MEIS1: variants seen among roughly 807,000 people sequenced by gnomAD.
MEIS1 encodes the protein Meis homeobox 1.
MEIS1 carries 5 observed loss-of-function variants against 50.8 expected under a neutral mutation model. The ratio of observed to expected loss-of-function variants is 0.10; its 90% CI spans 0.05 to 0.21. MEIS1 has a LOEUF of 0.21. Ranked by LOEUF, MEIS1 falls within the 10% of genes least tolerant of loss-of-function variation. MEIS1 has a pLI of 1.00. For synonymous variants in MEIS1, 176 were observed against 179.3 expected, an observed-to-expected ratio of 0.98 and a Z score of 0.15; for missense variants, 318 against 517.3, an observed-to-expected ratio of 0.61 and a Z score of 3.74.
chr2:66,567,691 G>A lies in MEIS1; in HGVS notation c.1024+180G>A, dbSNP rs181709542. ...AATCAATTTAACATCATTATAAAAC[G>A]TTTGGAGAAGGTGGAAAAAAAAAGC... On this transcript the variant is annotated intron_variant, in intron 10 of 12. Coordinates refer to ENST00000272369, the MANE Select transcript of MEIS1 (RefSeq NM_002398.3). 6.2e-5 allele frequency: 43 copies of A among 690,106 alleles called. 1 individual carries two copies. Among genetic ancestry groups the A allele is most frequent in the Admixed American group, 4.8e-4 (22 of 45,950 alleles). 42.7% of individuals were successfully genotyped at this position (690,106 alleles called of 1,614,324 possible). A position where few individuals can be genotyped will look rare whatever the true frequency, so the allele number is the denominator to read the frequency against.
chr2:66,440,076 CA>C, intron 3 of MEIS1, 92 bp downstream of exon 3: 2 of 1,084,378 alleles, frequency 1.8e-6, no homozygotes, highest in Non-Finnish European at 2.6e-6. Flanking sequence ...CGAACACACA[CA>C]CACACACACA....
chr2:66,533,093 G>A lies in MEIS1; in HGVS notation c.889-14850G>A, dbSNP rs576060627. Among the ~76,000 whole-genome samples, 8 of 152,270 alleles carry A rather than the reference G, an allele frequency of 5.3e-5. 1 individual carries two copies. Among genetic ancestry groups the A allele is most frequent in the South Asian group, 2.1e-4 (1 of 4,826 alleles). On this transcript the variant is annotated intron_variant, in intron 8 of 12. Transcript: ENST00000272369. The stretch of plus-strand genomic sequence containing the variant: ...CAGCATTTGGTTGGCATGCAAGGGC[G>A]AGTTCTCACTCTTGATCTATCCTAG...
intron 9 of MEIS1, among the ~76,000 whole-genome samples, chr2:66,565,569 T>C (rs1675327291): frequency 1.3e-5 from 2 of 152,234 alleles, no homozygotes; most frequent in Non-Finnish European, 2.9e-5. Context: ...TTTAGCAAAT[T>C]ATTAACATCT....
At chr2:66,560,972 A>G (rs1675199374) in intron 9 of MEIS1, among the ~76,000 whole-genome samples, 1 of 152,226 alleles carries the variant, frequency 6.6e-6, no homozygotes, top group Non-Finnish European at 1.5e-5. Flanking sequence ...AGAATGAATC[A>G]ACTTTCTTGA....
chr2:66,544,655 G>A (rs577056556), intron 8 of MEIS1, among the ~76,000 whole-genome samples: 6 of 151,836 alleles, frequency 4.0e-5, no homozygotes, highest in Non-Finnish European at 8.8e-5. Context: ...TATATATCCC[G>A]AACAACTGAA....
At chr2:66,471,120 C>T (rs1050228724) in intron 7 of MEIS1, among the ~76,000 whole-genome samples, 1 of 152,204 alleles carries the variant, frequency 6.6e-6, no homozygotes, top group Non-Finnish European at 1.5e-5. Context: ...GTCAGCTAGA[C>T]AGTTGGAGTT....
At chr2:66,452,881 C>T (rs1173805539) in intron 6 of MEIS1, among the ~76,000 whole-genome samples, 1 of 151,876 alleles carries the variant, frequency 6.6e-6, no homozygotes, top group East Asian at 1.9e-4. Context: ...TCCCGTACTT[C>T]TTTGCACAAA....
chr2:66,440,883 G>A, intron 4 of MEIS1: 1 of 511,880 alleles, frequency 2.0e-6, no homozygotes, highest in Non-Finnish European at 3.4e-6. Flanking sequence ...TAATCAGCGC[G>A]GGGATTTATC....
At chr2:66,509,579 CT>C (rs552847785) in intron 7 of MEIS1, among the ~76,000 whole-genome samples, 45 of 152,326 alleles carry the variant, frequency 3.0e-4, no homozygotes, top group Admixed American at 2.9e-3. Context: ...AGGGGGTGAT[CT>C]GGCTCCTGCT....
intron 9 of MEIS1, among the ~76,000 whole-genome samples, chr2:66,560,593 A>G (rs981355325): frequency 2.0e-5 from 3 of 151,842 alleles, no homozygotes; most frequent in Non-Finnish European, 2.9e-5. Context: ...CAAAAAAAAA[A>G]AAAAGAAAGA....
chr2:66,554,672 T>C (rs1278790272), intron 9 of MEIS1, among the ~76,000 whole-genome samples: 3 of 152,196 alleles, frequency 2.0e-5, no homozygotes, highest in African/African-American at 7.2e-5. Flanking sequence ...AAAGGACTCT[T>C]TTAGCTGTAA....
At chr2:66,453,258 A>G (rs549701470) in intron 6 of MEIS1, among the ~76,000 whole-genome samples, 3 of 151,984 alleles carry the variant, frequency 2.0e-5, no homozygotes, top group South Asian at 2.1e-4. Context: ...TGCTCGTGGT[A>G]TACTTTCAAT....
At position 66,496,468 on chromosome 2, in the gene MEIS1, A is replaced by G. The variant is rs149319990; in HGVS notation, c.743-15681A>G. ...GTCAGTGTGAATTGCCCAATTTCATAGTGTGCACGGGGGTCTCAGGAGAGG... is the reference window on the plus strand; with the variant it reads ...GTCAGTGTGAATTGCCCAATTTCATGGTGTGCACGGGGGTCTCAGGAGAGG... On this transcript the variant is annotated intron_variant, in intron 7 of 12. Transcript: ENST00000272369. Among the ~76,000 whole-genome samples, 554 of 152,206 alleles carry G rather than the reference A, an allele frequency of 3.6e-3. 3 individuals are homozygous for G. The highest frequency in any genetic ancestry group is 0.013 in the African/African-American group (530 of 41,544).
At chr2:66,538,627 G>A (rs1427511924) in intron 8 of MEIS1, among the ~76,000 whole-genome samples, 1 of 152,152 alleles carries the variant, frequency 6.6e-6, no homozygotes, top group African/African-American at 2.4e-5. Flanking sequence ...ATTGGGCACA[G>A]AACTGGTAGC....
At chr2:66,468,540 G>A (rs188757074) in intron 7 of MEIS1, among the ~76,000 whole-genome samples, 3 of 152,186 alleles carry the variant, frequency 2.0e-5, no homozygotes, top group African/African-American at 4.8e-5. Flanking sequence ...GGCTCAGAGC[G>A]ATAAGGAGAC....
intron 6 of MEIS1, 90 bp from the exon 7 acceptor site, chr2:66,464,019 C>T: frequency 1.1e-6 from 1 of 881,446 alleles, no homozygotes; most frequent in Non-Finnish European, 1.8e-6. Context: ...GTGCTCCAGC[C>T]CTCCATGGCT....
intron 5 of MEIS1, chr2:66,441,695 T>C: frequency 2.0e-6 from 1 of 493,748 alleles, no homozygotes; most frequent in Non-Finnish European, 3.5e-6. Flanking sequence ...TCATTCTTAA[T>C]AACTTGCTGG....
chr2:66,558,279 CAAAAAAAAAAAAAAAA>C (rs59017279), intron 9 of MEIS1, among the ~76,000 whole-genome samples: 3 of 57,104 alleles, frequency 5.3e-5, no homozygotes, highest in African/African-American at 2.4e-4. Context: ...AACTCCATCT[CAAAAAAAAAAAAAAAA>C]AAAAAAAAAG....
At chr2:66,507,878 T>C (rs1200848290) in intron 7 of MEIS1, among the ~76,000 whole-genome samples, 1 of 152,220 alleles carries the variant, frequency 6.6e-6, no homozygotes, top group African/African-American at 2.4e-5. Flanking sequence ...CTGAGCTCTC[T>C]GACAGCCTGG....
Sources: gnomAD v4.1 joint callset for allele counts (sites outside exome capture counted in the v4.1 genomes callset) on GRCh38, gnomAD v4.1.1 for gene constraint, MANE v1.5 for transcripts, NCBI Gene and HGNC (gene_info 2026-07-23, HGNC 2026-07-21) for gene names.